Variants in SLC12A8 observed in about 807,000 individuals in gnomAD.
SLC12A8 encodes solute carrier family 12 member 8.
Under a neutral mutation model 75.6 loss-of-function variants are expected in SLC12A8, and 69 were observed. The ratio of observed to expected loss-of-function variants is 0.91; its 90% confidence interval spans 0.75 to 1.11. The LOEUF (loss-of-function observed/expected upper bound fraction) is 1.11. Among genes scored for constraint, SLC12A8 ranks in the 50% most tolerant of loss-of-function variants. The probability of loss-of-function intolerance (pLI) is 0.00; values close to 1 mark genes in which losing one functional copy is unlikely to be tolerated. For synonymous variants in SLC12A8, 365 were observed against 372.8 expected (o/e 0.98, Z 0.24); for missense variants, 877 against 896.7 (o/e 0.98, Z 0.28).
intron 2 of SLC12A8, among the ~76,000 whole-genome samples, chr3:125,201,557 G>C (rs1462921474): frequency 6.6e-6 from 1 of 151,964 alleles, no homozygotes; most frequent in African/African-American, 2.4e-5. Context: ...AGGATTGCTT[G>C]AGCCCAAGAG....
intron 5 of SLC12A8, among the ~76,000 whole-genome samples, chr3:125,160,879 G>T (rs922367493): frequency 9.2e-5 from 14 of 152,230 alleles, no homozygotes; most frequent in Admixed American, 6.5e-4. Context: ...TGGCTGGGGA[G>T]CTGGGAGAAC....
Position 125,171,558 on chromosome 3 carries a change from A to G in SLC12A8, c.622+6185T>C, listed in dbSNP as rs1413794429. On this transcript the variant is annotated intron_variant, in intron 5 of 13. Coordinates refer to ENST00000469902, the MANE Select transcript of SLC12A8 (RefSeq NM_024628.6). Reference sequence around the variant, plus strand: ...TGGATTAAGAAAATGTGGCACATATACGCCATGGAATACTATGCAGCCATA... The same window carrying G: ...TGGATTAAGAAAATGTGGCACATATGCGCCATGGAATACTATGCAGCCATA... Among the ~76,000 whole-genome samples, 13 of 7,052 alleles carry G rather than the reference A, an allele frequency of 1.8e-3. 6 individuals are homozygous for G. In the East Asian group the frequency reaches 0.019, roughly 11 times the overall value. 4.6% of individuals were successfully genotyped at this position (7,052 alleles called of 152,430 possible).
intron 5 of SLC12A8, among the ~76,000 whole-genome samples, chr3:125,137,125 C>T (rs889396532): frequency 3.3e-5 from 5 of 152,170 alleles, no homozygotes; most frequent in Non-Finnish European, 7.3e-5. Flanking sequence ...AATTACAGCC[C>T]AAGCTTCCAT....
chr3:125,109,155 G>T (rs1319171763), intron 9 of SLC12A8, among the ~76,000 whole-genome samples: 1 of 152,032 alleles, frequency 6.6e-6, no homozygotes, highest in African/African-American at 2.4e-5. Flanking sequence ...CTCCTTCTTG[G>T]TTTCTGTGGC....
intron 10 of SLC12A8, among the ~76,000 whole-genome samples, chr3:125,100,777 G>A (rs918354755): frequency 2.0e-5 from 3 of 149,218 alleles, no homozygotes; most frequent in Non-Finnish European, 4.5e-5. Context: ...ACTTTGGGAG[G>A]CCGAGGTGGG....
chr3:125,122,884 A>G (rs1933098424), intron 6 of SLC12A8, among the ~76,000 whole-genome samples: 1 of 152,262 alleles, frequency 6.6e-6, no homozygotes. Context: ...GGAAGAAAAC[A>G]CTAATTAGTA....
At chr3:125,085,164 G>C (rs151311735) in intron 13 of SLC12A8, among the ~76,000 whole-genome samples, 69 of 152,198 alleles carry the variant, frequency 4.5e-4, no homozygotes, top group Non-Finnish European at 8.2e-4. Flanking sequence ...TATAAAGGCT[G>C]AATCTCCAAA....
At chr3:125,193,461 G>A (rs180774788) in intron 2 of SLC12A8, among the ~76,000 whole-genome samples, 5 of 152,330 alleles carry the variant, frequency 3.3e-5, no homozygotes, top group African/African-American at 1.2e-4. Context: ...TCAGACTTTA[G>A]CTAGTGCCCA....
At chr3:125,093,157 G>A (rs764387317) in intron 10 of SLC12A8, among the ~76,000 whole-genome samples, 3 of 152,146 alleles carry the variant, frequency 2.0e-5, no homozygotes, top group Non-Finnish European at 4.4e-5. Flanking sequence ...TAACAATATG[G>A]TCTAATCACC....
intron 8 of SLC12A8, among the ~76,000 whole-genome samples, chr3:125,116,626 T>G (rs996351142): frequency 1.3e-5 from 2 of 152,152 alleles, no homozygotes; most frequent in Admixed American, 6.5e-5. Flanking sequence ...TGCCCTCCCA[T>G]ATACCTACTC....
intron 2 of SLC12A8, among the ~76,000 whole-genome samples, chr3:125,193,228 G>A (rs1579538397): frequency 1.3e-5 from 2 of 152,200 alleles, no homozygotes; most frequent in Non-Finnish European, 2.9e-5. Context: ...AAATTAGCCG[G>A]GTGTGGTTGT....
intron 5 of SLC12A8, among the ~76,000 whole-genome samples, chr3:125,144,243 G>A (rs552385450): frequency 1.4e-4 from 22 of 152,302 alleles, no homozygotes; most frequent in Admixed American, 1.1e-3. Flanking sequence ...GTGCTTTACC[G>A]TATTAACTCA....
chr3:125,182,365 G>T (rs1329574584), intron 4 of SLC12A8, among the ~76,000 whole-genome samples: 1 of 151,720 alleles, frequency 6.6e-6, no homozygotes, highest in Non-Finnish European at 1.5e-5. Flanking sequence ...GAATAGAAAT[G>T]AGCCATAAAT....
At chr3:125,173,071 C>T (rs1401233728) in intron 5 of SLC12A8, among the ~76,000 whole-genome samples, 3 of 151,906 alleles carry the variant, frequency 2.0e-5, no homozygotes, top group African/African-American at 4.8e-5. Context: ...CCCAGCTACT[C>T]GGGAGGCTGA....
chr3:125,113,953 T>C (rs909853973), intron 8 of SLC12A8, among the ~76,000 whole-genome samples: 2 of 152,120 alleles, frequency 1.3e-5, no homozygotes, highest in Non-Finnish European at 2.9e-5. Context: ...TCATTCTGTC[T>C]CATCTAATTG....
intron 1 of SLC12A8, among the ~76,000 whole-genome samples, 169 bp downstream of exon 1, chr3:125,212,531 G>A (rs146997292): frequency 4.5e-4 from 68 of 152,294 alleles, no homozygotes; most frequent in African/African-American, 1.5e-3. Context: ...CCCAAGTACT[G>A]GGGCCAGGCC....
chr3:125,114,163 A>G (rs898451637), intron 8 of SLC12A8, among the ~76,000 whole-genome samples: 1 of 152,070 alleles, frequency 6.6e-6, no homozygotes, highest in South Asian at 2.1e-4. Flanking sequence ...CTTGAGAGCC[A>G]TTTTCCATAA....
At chr3:125,148,581 C>T (rs1933843288) in intron 5 of SLC12A8, among the ~76,000 whole-genome samples, 1 of 152,138 alleles carries the variant, frequency 6.6e-6, no homozygotes. Flanking sequence ...TCATCTCCTG[C>T]CAGCCTCAGG....
intron 4 of SLC12A8, among the ~76,000 whole-genome samples, chr3:125,180,269 A>G (rs1373287341): frequency 2.0e-5 from 3 of 152,184 alleles, no homozygotes; most frequent in Non-Finnish European, 4.4e-5. Flanking sequence ...CAAAATATCT[A>G]AGGCCAAATC....
Sources: gnomAD v4.1 joint callset for allele counts (sites outside exome capture counted in the v4.1 genomes callset) on GRCh38, gnomAD v4.1.1 for gene constraint, MANE v1.5 for transcripts, NCBI Gene and HGNC (gene_info 2026-07-23, HGNC 2026-07-21) for gene names.